The following VIL1 variants were observed in gnomAD, a reference collection of about 807,000 sequenced individuals.
VIL1 encodes the protein villin-1.
VIL1 carries 86 observed loss-of-function variants against 104.0 expected under a neutral mutation model. The observed-to-expected ratio is 0.83, with a 90% confidence interval of 0.69 to 0.99. The LOEUF (loss-of-function observed/expected upper bound fraction) is 0.99, where lower values mean the gene tolerates loss of function less well. VIL1 is among the 50% of genes least tolerant of loss of function. The pLI is 0.00. For synonymous variants in VIL1, 394 were observed against 412.6 expected (o/e 0.95, Z 0.55); for missense variants, 944 against 1,054.1 (o/e 0.90, Z 1.45).
intron 19 of VIL1, among the ~76,000 whole-genome samples, chr2:218,445,355 T>A (rs557523101): frequency 6.6e-6 from 1 of 152,156 alleles, no homozygotes; most frequent in South Asian, 2.1e-4. Flanking sequence ...GATCTGTGAT[T>A]GTGTCACCAC....
intron 3 of VIL1, among the ~76,000 whole-genome samples, chr2:218,424,666 A>T (rs987971702): frequency 1.3e-5 from 2 of 151,604 alleles, no homozygotes; most frequent in Non-Finnish European, 2.9e-5. Flanking sequence ...TTTTTTTAAA[A>T]TTTTTTTCCG....
intron 1 of VIL1, 42 bp from the exon 2 acceptor site, chr2:218,423,726 C>A: frequency 3.7e-6 from 6 of 1,602,946 alleles, no homozygotes; most frequent in Non-Finnish European, 5.1e-6. Context: ...AGGGCAGCAT[C>A]CGAACTCAGG....
rs745727455 is a variant in VIL1, at chr2:218,429,438, C to A, written c.721C>A (p.Pro241Thr). 1.2e-6 allele frequency: 2 copies of A among 1,613,910 alleles called. No individual in the cohort carries two copies. The highest frequency in any genetic ancestry group is 1.7e-6 in the Non-Finnish European group (2 of 1,180,016). ...GKRRELKAAV[P>T]DTVVEPALKA... The stretch of plus-strand genomic sequence containing the variant: ...GCGCAGGGAGCTGAAGGCGGCCGTG[C>A]CCGACACGGTGGTGGAGCCGGCACT... The change falls in exon 7 of 20, where the codon CCC (proline) becomes ACC (threonine). Residue 241 changes from proline (P) to threonine (T), a missense_variant. By Grantham distance (38) the Pro-to-Thr change is conservative. Coordinates refer to ENST00000248444, the MANE Select transcript of VIL1 (RefSeq NM_007127.3).
At chr2:218,431,762 T>C (rs1469730837) in intron 10 of VIL1, 95 bp from the exon 11 acceptor site, 2 of 1,040,660 alleles carry the variant, frequency 1.9e-6, no homozygotes, top group Non-Finnish European at 2.9e-6. Flanking sequence ...CATCTGAAAA[T>C]GAGTCTAAGA....
intron 1 of VIL1, among the ~76,000 whole-genome samples, chr2:218,421,168 G>A (rs1029651304): frequency 6.6e-6 from 1 of 152,174 alleles, no homozygotes; most frequent in Non-Finnish European, 1.5e-5. Context: ...AGCAGTGCAA[G>A]CAGGCGTGGG....
chr2:218,449,150 C>A, intron 19 of VIL1, 73 bp from the exon 20 acceptor site: 2 of 1,081,516 alleles, frequency 1.8e-6, no homozygotes, highest in Non-Finnish European at 2.9e-6. Context: ...CTCATCAGAG[C>A]AAACGGTGCC....
intron 15 of VIL1, 100 bp from the exon 16 acceptor site, chr2:218,436,382 A>T: frequency 6.8e-7 from 1 of 1,464,540 alleles, no homozygotes; most frequent in South Asian, 1.4e-5. Flanking sequence ...GCTGGAGATG[A>T]CCTTTCTATG....
At chr2:218,446,760 C>CTTTTTTTT (rs71064450) in intron 19 of VIL1, among the ~76,000 whole-genome samples, 5 of 125,598 alleles carry the variant, frequency 4.0e-5, no homozygotes, top group African/African-American at 1.5e-4. Context: ...GTGACCTTGA[C>CTTTTTTTT]TTTTTTTTTT....
intron 19 of VIL1, among the ~76,000 whole-genome samples, chr2:218,442,745 A>C (rs964659910): frequency 6.6e-6 from 1 of 152,246 alleles, no homozygotes; most frequent in Admixed American, 6.5e-5. Context: ...GTCATAAAGT[A>C]GTCTTACAAA....
In VIL1 at chr2:218,424,261, C is replaced by G. The variant is rs2106390128; in HGVS notation, c.76-16C>G. ...GTGGTCCAGGGCAGCCCCTCTGACC[C>G]TCTTTCTCTCCTTAGGCCATGCAGA... On this transcript the variant is annotated splice_polypyrimidine_tract_variant and intron_variant, in intron 2 of 19. Transcript: ENST00000248444. 1 of 1,613,682 alleles carries G rather than the reference C, an allele frequency of 6.2e-7. No homozygotes were observed.
intron 13 of VIL1, among the ~76,000 whole-genome samples, chr2:218,433,829 C>T (rs1057390224): frequency 1.3e-5 from 2 of 151,786 alleles, no homozygotes; most frequent in Non-Finnish European, 2.9e-5. Flanking sequence ...ATGGCTTGAA[C>T]CTGGGAGACG....
intron 4 of VIL1, among the ~76,000 whole-genome samples, chr2:218,426,672 A>G (rs1328939580): frequency 2.8e-5 from 4 of 145,314 alleles, no homozygotes; most frequent in African/African-American, 1.0e-4. Context: ...CGCGATCTCA[A>G]CTCACTGCAA....
At chr2:218,424,000 A>G in intron 2 of VIL1, 147 bp downstream of exon 2, 1 of 876,054 alleles carries the variant, frequency 1.1e-6, no homozygotes. Context: ...CGCATCATCC[A>G]CACCCCGGCT....
rs937681706 is a variant in VIL1 at position 218,450,233 on chromosome 2, A to T, written c.*897A>T. 6.6e-6 allele frequency: 1 copy of T among 152,256 alleles called. No homozygotes were observed. Among genetic ancestry groups the T allele is most frequent in the Non-Finnish European group, 1.5e-5 (1 of 68,046 alleles). The allele number at this position is 152,256 out of a possible 1,614,324, so 9.4% of individuals were successfully genotyped here. A position where few individuals can be genotyped will look rare whatever the true frequency, so the allele number is the denominator to read the frequency against. ...TCAGCAAGAATGTGTCCTTTTCAGAAATAACAGTCAAATCAAAGAAGGTTA... is the reference window on the plus strand; with the variant it reads ...TCAGCAAGAATGTGTCCTTTTCAGATATAACAGTCAAATCAAAGAAGGTTA... On this transcript the variant is annotated 3_prime_UTR_variant, in exon 20 of 20. Transcript: ENST00000248444.
chr2:218,431,012 C>A, intron 10 of VIL1, 134 bp downstream of exon 10: 1 of 1,216,934 alleles, frequency 8.2e-7, no homozygotes, highest in Non-Finnish European at 1.1e-6. Flanking sequence ...CTGGGCTTGT[C>A]CTAGCAGATG....
At chr2:218,438,849 T>G in intron 18 of VIL1, 123 bp downstream of exon 18, 1 of 742,550 alleles carries the variant, frequency 1.3e-6, no homozygotes, top group Non-Finnish European at 2.2e-6. Flanking sequence ...TCTCCCCCAC[T>G]TCTCATTCTT....
At position 218,429,841 on chromosome 2, in the gene VIL1, G is replaced by A. The variant is rs1455073145; in HGVS notation, c.850-8G>A. 13 of 1,612,376 alleles carry A rather than the reference G, an allele frequency of 8.1e-6. No individual in the cohort carries two copies. The highest frequency in any genetic ancestry group is 1.3e-5 in the African/African-American group (1 of 74,822). ...GCTCCATCAGACTCTTACCTCTCCC[G>A]ACTCTAGGACTGTTACATCCTGGAC... is the stretch of plus-strand genomic sequence containing the variant. On this transcript the variant is annotated splice_polypyrimidine_tract_variant and splice_region_variant and intron_variant, in intron 8 of 19. Coordinates refer to ENST00000248444, the MANE Select transcript of VIL1 (RefSeq NM_007127.3).
At chr2:218,439,796 A>C (rs1367393605) in intron 18 of VIL1, among the ~76,000 whole-genome samples, 2 of 149,450 alleles carry the variant, frequency 1.3e-5, no homozygotes, top group East Asian at 3.9e-4. Context: ...CAGCCTGGGC[A>C]ACAGAGTCAG....
rs986275116 is a variant in VIL1 at position 218,451,806 on chromosome 2, C to T, written c.*2470C>T. On this transcript the variant is annotated 3_prime_UTR_variant, in exon 20 of 20. Transcript: ENST00000248444. ...ATGTCTTAAAATGTAAACATATTTA[C>T]ATTTGTTGTATTTGTTATTGAGCCT... 1 of 152,614 alleles carries T rather than the reference C, an allele frequency of 6.6e-6. No homozygotes were observed. The highest frequency in any genetic ancestry group is 1.5e-5 in the Non-Finnish European group (1 of 68,034). The allele number at this position is 152,614 out of a possible 1,614,324, so 9.5% of individuals were successfully genotyped here. A position where few individuals can be genotyped will look rare whatever the true frequency, so the allele number is the denominator to read the frequency against.
Sources: allele counts gnomAD v4.1 joint callset (sites outside exome capture counted in the v4.1 genomes callset), GRCh38; gene constraint gnomAD v4.1.1; transcripts MANE v1.5; gene names NCBI Gene and HGNC (gene_info 2026-07-23, HGNC 2026-07-21).